Variants in LRP1B observed in about 807,000 individuals in gnomAD.
The protein encoded by LRP1B is LDL receptor related protein 1B.
LRP1B carries 217 observed loss-of-function variants against 556.6 expected under a neutral mutation model. The ratio of observed to expected loss-of-function variants is 0.39; its 90% CI spans 0.35 to 0.44. The LOEUF (loss-of-function observed/expected upper bound fraction) is 0.44. LRP1B is among the 20% of genes least tolerant of loss of function. The pLI is 1.00. For synonymous variants in LRP1B, 2,047 were observed against 1,865.8 expected, an observed-to-expected ratio of 1.10 and a Z score of -2.50; for missense variants, 5,053 against 5,620.8, an observed-to-expected ratio of 0.90 and a Z score of 3.23.
At chr2:142,027,123 G>A (rs1703533940) in intron 1 of LRP1B, among the ~76,000 whole-genome samples, 1 of 152,078 alleles carries the variant, frequency 6.6e-6, no homozygotes, top group African/African-American at 2.4e-5. Flanking sequence ...TGGGTGCATT[G>A]TAAGTCGCAT....
intron 67 of LRP1B, among the ~76,000 whole-genome samples, chr2:140,384,015 T>C (rs958188675): frequency 1.3e-5 from 2 of 152,172 alleles, no homozygotes; most frequent in African/African-American, 4.8e-5. Flanking sequence ...GTCAGTACAA[T>C]GATATTCAGC....
intron 1 of LRP1B, among the ~76,000 whole-genome samples, chr2:142,018,904 C>G (rs2105172058): frequency 6.6e-6 from 1 of 151,482 alleles, no homozygotes; most frequent in South Asian, 2.1e-4. Context: ...TATTAATTGT[C>G]TGTAAAGATC....
chr2:140,342,662 T>TA (rs1681454660), intron 77 of LRP1B, among the ~76,000 whole-genome samples: 1 of 151,528 alleles, frequency 6.6e-6, no homozygotes, highest in African/African-American at 2.4e-5. Context: ...GGGGACTCCA[T>TA]ACTCACGTAT....
At chr2:140,725,909 C>A (rs180910674) in intron 35 of LRP1B, among the ~76,000 whole-genome samples, 2 of 152,180 alleles carry the variant, frequency 1.3e-5, no homozygotes, top group East Asian at 3.9e-4. Flanking sequence ...ACCTTAGCAA[C>A]CAGTTTGCAT....
intron 1 of LRP1B, among the ~76,000 whole-genome samples, chr2:142,027,539 A>T (rs1703550559): frequency 6.6e-6 from 1 of 151,886 alleles, no homozygotes; most frequent in African/African-American, 2.4e-5. Flanking sequence ...ACAGGCTAAC[A>T]TTAGCTGAAT....
intron 41 of LRP1B, among the ~76,000 whole-genome samples, chr2:140,695,594 CT>C (rs1162114725): frequency 1.3e-5 from 2 of 152,134 alleles, no homozygotes; most frequent in African/African-American, 4.8e-5. Flanking sequence ...AAAAGTCTAT[CT>C]TGCTTTTTGA....
intron 79 of LRP1B, among the ~76,000 whole-genome samples, chr2:140,328,630 T>TAAGA (rs900041201): frequency 1.3e-5 from 2 of 152,090 alleles, no homozygotes; most frequent in African/African-American, 2.4e-5. Context: ...CCAAAATTTG[T>TAAGA]AAGATAGTAA....
At chr2:141,315,512 G>A (rs57309161) in intron 3 of LRP1B, among the ~76,000 whole-genome samples, 1 of 151,834 alleles carries the variant, frequency 6.6e-6, no homozygotes, top group African/African-American at 2.4e-5. Context: ...ACCTGCCTTA[G>A]CCTCCCAAAG....
rs1681435384 is a variant in LRP1B, at chr2:140,574,246, T to C, written c.7194+24385A>G. On this transcript the variant is annotated intron_variant, in intron 43 of 90. Coordinates refer to ENST00000389484, the MANE Select transcript of LRP1B (RefSeq NM_018557.3). The stretch of plus-strand genomic sequence containing the variant: ...AAATTTTAGTAACATTTCCCATGCA[T>C]TTAAAACTATTTATTAAAAATTATA... Among the ~76,000 whole-genome samples, 4 of 152,140 alleles carry C rather than the reference T, an allele frequency of 2.6e-5. No homozygotes were observed. The South Asian group carries it at 8.3e-4, about 31-fold the overall frequency.
intron 55 of LRP1B, among the ~76,000 whole-genome samples, chr2:140,501,223 T>C (rs563077996): frequency 7.2e-5 from 11 of 152,154 alleles, no homozygotes; most frequent in Admixed American, 5.2e-4. Flanking sequence ...ATTCATAGTT[T>C]ATGGATTTTT....
At chr2:140,540,893 A>G in intron 45 of LRP1B, 80 bp downstream of exon 45, 1 of 1,443,844 alleles carries the variant, frequency 6.9e-7, no homozygotes, top group South Asian at 1.3e-5. Flanking sequence ...TAACTTCATG[A>G]ATACACTAAC....
At chr2:141,018,338 T>C (rs900375705) in intron 12 of LRP1B, among the ~76,000 whole-genome samples, 9 of 152,220 alleles carry the variant, frequency 5.9e-5, no homozygotes, top group Admixed American at 2.6e-4. Flanking sequence ...TGTATTGCAC[T>C]TATTCCTTGT....
intron 2 of LRP1B, among the ~76,000 whole-genome samples, chr2:141,559,687 G>C (rs1279639673): frequency 1.3e-5 from 2 of 151,466 alleles, no homozygotes; most frequent in African/African-American, 4.8e-5. Flanking sequence ...GAATATTGTA[G>C]GTGCATGGTA....
intron 1 of LRP1B, among the ~76,000 whole-genome samples, chr2:142,024,632 T>TTC (rs1392767593): frequency 6.6e-6 from 1 of 151,454 alleles, no homozygotes; most frequent in Non-Finnish European, 1.5e-5. Context: ...TTTTTTTTTT[T>TTC]TTTGTATTTG....
At chr2:140,589,182 G>T (rs562979805) in intron 43 of LRP1B, among the ~76,000 whole-genome samples, 1 of 152,066 alleles carries the variant, frequency 6.6e-6, no homozygotes, top group African/African-American at 2.4e-5. Context: ...CCATGACAAA[G>T]AAATATAAAT....
intron 72 of LRP1B, among the ~76,000 whole-genome samples, chr2:140,363,654 T>A (rs1461352292): frequency 6.6e-6 from 1 of 151,490 alleles, no homozygotes; most frequent in Non-Finnish European, 1.5e-5. Context: ...CATAATGAGT[T>A]GTATCTATAG....
chr2:140,509,852 C>G (rs532845223), intron 52 of LRP1B, 76 bp downstream of exon 52: 1 of 1,553,684 alleles, frequency 6.4e-7, no homozygotes, highest in Non-Finnish European at 8.7e-7. Flanking sequence ...TGTGCTATGG[C>G]AAATACTACA....
intron 3 of LRP1B, among the ~76,000 whole-genome samples, chr2:141,386,027 C>T (rs1689823533): frequency 6.6e-6 from 1 of 152,092 alleles, no homozygotes; most frequent in Non-Finnish European, 1.5e-5. Flanking sequence ...ATTAAAACAA[C>T]CACAGATTAT....
intron 6 of LRP1B, among the ~76,000 whole-genome samples, chr2:141,203,694 A>G (rs1682142909): frequency 6.6e-6 from 1 of 152,196 alleles, no homozygotes. Context: ...ATAGACATCT[A>G]TGGAACTCTC....
Sources: allele counts gnomAD v4.1 joint callset (sites outside exome capture counted in the v4.1 genomes callset), GRCh38; gene constraint gnomAD v4.1.1; transcripts MANE v1.5; gene names NCBI Gene and HGNC (gene_info 2026-07-23, HGNC 2026-07-21).